Variants in USP9X observed in about 807,000 individuals in gnomAD.
USP9X encodes ubiquitin specific peptidase 9 X-linked.
USP9X carries 7 observed loss-of-function variants against 190.3 expected under a neutral mutation model. The observed-to-expected ratio is 0.04, with a 90% CI of 0.02 to 0.07. The LOEUF is 0.07. Ranked by LOEUF, USP9X falls within the 10% of genes least tolerant of loss-of-function variation. The probability of loss-of-function intolerance (pLI) is 1.00; values close to 1 mark genes in which losing one functional copy is unlikely to be tolerated. For synonymous variants in USP9X, 645 were observed against 659.5 expected, an observed-to-expected ratio of 0.98 and a Z score of 0.34; for missense variants, 1,010 against 1,916.9, an observed-to-expected ratio of 0.53 and a Z score of 8.83.
chrX:41,173,989 C>T (rs951408473), intron 21 of USP9X, among the ~76,000 whole-genome samples: 6 of 111,693 alleles, frequency 5.4e-5, no homozygotes, highest in Non-Finnish European at 5.6e-5. Context: ...TTTTACTGTA[C>T]CCTTTCTATG....
intron 32 of USP9X, among the ~76,000 whole-genome samples, chrX:41,206,048 G>A (rs113041496): frequency 0.13 from 14,288 of 108,392 alleles, 890 homozygotes; most frequent in East Asian, 0.21. Context: ...CCACCACCAC[G>A]CCTAGCTGAT....
chrX:41,191,067 C>CT (rs1248980862), intron 26 of USP9X, among the ~76,000 whole-genome samples: 1 of 111,231 alleles, frequency 9.0e-6, no homozygotes, highest in African/African-American at 3.3e-5. Flanking sequence ...GTGGCTCATG[C>CT]TTGTAATCCC....
rs1460346795 is a variant in USP9X, at chrX:41,196,258, C to T, written c.3985C>T (p.Arg1329Cys). ...AAACATTTTTTATTTCAGAACTGTT[C>T]GTCAGGTGGCACAGGAGCAGTTCTT... ...LLLHCHSKTV[R>C]QVAQEQFFLM... The change falls in exon 27 of 45, where the codon CGT (arginine) becomes TGT (cysteine). Residue 1329 changes from arginine (R) to cysteine (C), a missense_variant. By Grantham distance (180) the Arg-to-Cys change is radical. Around this residue, in one of 11 missense-constraint regions of USP9X, gnomAD observed 351 missense variants for 480.8 expected, o/e 0.73. Coordinates refer to ENST00000378308, the MANE Select transcript of USP9X (RefSeq NM_001039591.3). 3.3e-6 allele frequency: 4 copies of T among 1,209,082 alleles called. No homozygotes were observed. The highest frequency in any genetic ancestry group is 4.5e-6 in the Non-Finnish European group (4 of 894,774).
chrX:41,129,864 G>GT (rs1028827738), intron 3 of USP9X, among the ~76,000 whole-genome samples: 12 of 110,398 alleles, frequency 1.1e-4, no homozygotes, highest in South Asian at 7.6e-4. Context: ...GCTTTACTGA[G>GT]TTTTTTTTTA....
chrX:41,179,244 G>A (rs1481971662), intron 21 of USP9X, among the ~76,000 whole-genome samples: 1 of 110,837 alleles, frequency 9.0e-6, no homozygotes, highest in Non-Finnish European at 1.9e-5. Flanking sequence ...GTATTTTTTT[G>A]TTTTACCTTG....
intron 34 of USP9X, 75 bp from the exon 35 acceptor site, chrX:41,215,824 A>C: frequency 9.6e-7 from 1 of 1,047,118 alleles, no homozygotes; most frequent in East Asian, 3.1e-5. Context: ...ATCATTTAAA[A>C]GTTTGCTTGG....
chrX:41,118,622 A>G (rs1012451904), intron 1 of USP9X, among the ~76,000 whole-genome samples: 1 of 111,497 alleles, frequency 9.0e-6, no homozygotes, highest in African/African-American at 3.3e-5. Context: ...TTGGGAATAT[A>G]TAGTCGCTAA....
At chrX:41,210,032 G>A (rs191979728) in intron 32 of USP9X, among the ~76,000 whole-genome samples, 31 of 110,795 alleles carry the variant, frequency 2.8e-4, no homozygotes, top group African/African-American at 9.5e-4. Flanking sequence ...TCTTCACTTG[G>A]GAAAAAAATA....
intron 1 of USP9X, among the ~76,000 whole-genome samples, chrX:41,108,855 C>T (rs1279181188): frequency 2.7e-5 from 3 of 111,389 alleles, no homozygotes; most frequent in African/African-American, 9.8e-5. Context: ...TCTTGACTTG[C>T]TGCACCTGGG....
rs759623425 is a variant in USP9X at position 41,161,635 on chromosome X, CTTTTTT to C, written c.1898-1137_1898-1132del. Among the ~76,000 whole-genome samples, 64 of 47,413 alleles carry C rather than the reference CTTTTTT, an allele frequency of 1.3e-3. 2 individuals carry two copies. The highest frequency in any genetic ancestry group is 4.8e-3 in the African/African-American group (44 of 9,184). 41.2% of individuals were successfully genotyped at this position (47,413 alleles called of 115,157 possible). ...ACAGGCGTGAGCCATGGCGCCCTGC[CTTTTTT>C]TTTTTTTTTTTTTTTTTAAAGAGAC... is the stretch of plus-strand genomic sequence containing the variant. On this transcript the variant is annotated intron_variant, in intron 14 of 44. Coordinates refer to ENST00000378308, the MANE Select transcript of USP9X (RefSeq NM_001039591.3).
intron 1 of USP9X, among the ~76,000 whole-genome samples, chrX:41,113,689 AT>A (rs1380202621): frequency 9.0e-6 from 1 of 111,273 alleles, no homozygotes; most frequent in African/African-American, 3.3e-5. Context: ...TTCACTGCAG[AT>A]TTTTTTCAAT....
At chrX:41,137,168 G>C in intron 6 of USP9X, 146 bp downstream of exon 6, 2 of 537,086 alleles carry the variant, frequency 3.7e-6, no homozygotes, top group East Asian at 7.4e-5. Flanking sequence ...TCGTAGCTTT[G>C]TCGTTCTAGT....
rs1183728043 is a variant in USP9X at position 41,216,672 on chromosome X, A to G, written c.6085+20A>G. The G allele has an allele frequency of 1.2e-5, 14 of 1,173,230 alleles. No homozygotes were observed. Among genetic ancestry groups the G allele is most frequent in the Non-Finnish European group, 1.5e-5 (13 of 874,800 alleles). ...CTCCCGGTGAGTATCAAGAGAGTTT[A>G]GCTTCTTAGTAATAAAGAATAATTT... is the stretch of plus-strand genomic sequence containing the variant. On this transcript the variant is annotated intron_variant, in intron 35 of 44. Transcript: ENST00000378308.
At chrX:41,094,863 A>T (rs1053190198) in intron 1 of USP9X, among the ~76,000 whole-genome samples, 1 of 107,723 alleles carries the variant, frequency 9.3e-6, no homozygotes, top group Non-Finnish European at 1.9e-5. Context: ...ACATGGTGAG[A>T]CCCCCGTCTC....
intron 36 of USP9X, 116 bp from the exon 37 acceptor site, chrX:41,218,256 C>T (rs766168165): frequency 3.2e-5 from 22 of 690,915 alleles, no homozygotes; most frequent in African/African-American, 2.9e-4. Flanking sequence ...TGCTGGTTCT[C>T]TCCAGCAGTA....
At chrX:41,190,279 G>A (rs943157595) in intron 26 of USP9X, among the ~76,000 whole-genome samples, 3 of 111,247 alleles carry the variant, frequency 2.7e-5, no homozygotes, top group African/African-American at 9.8e-5. Flanking sequence ...ACATGCTGTG[G>A]GGGGTAGGGT....
chrX:41,208,519 C>A (rs1229429961), intron 32 of USP9X, among the ~76,000 whole-genome samples: 1 of 111,728 alleles, frequency 9.0e-6, no homozygotes, highest in Non-Finnish European at 1.9e-5. Flanking sequence ...ACTACACTTC[C>A]TCACCCCACT....
chrX:41,231,181 C>G (rs1398123593), intron 44 of USP9X, among the ~76,000 whole-genome samples: 3 of 111,652 alleles, frequency 2.7e-5, no homozygotes, highest in Non-Finnish European at 3.8e-5. Context: ...CTCAAACTTG[C>G]ACAGGCGTGA....
At chrX:41,092,234 G>A (rs1316485746) in intron 1 of USP9X, among the ~76,000 whole-genome samples, 1 of 111,701 alleles carries the variant, frequency 9.0e-6, no homozygotes, top group African/African-American at 3.3e-5. Context: ...AGGGAGTGGC[G>A]AAGCCTCCTG....
Sources: allele counts gnomAD v4.1 joint callset (sites outside exome capture counted in the v4.1 genomes callset), GRCh38; gene constraint gnomAD v4.1.1; regional missense constraint gnomAD v4.1.1; transcripts MANE v1.5; gene names NCBI Gene and HGNC (gene_info 2026-07-23, HGNC 2026-07-21).